Variants in CAMTA1 observed in about 807,000 individuals in gnomAD.
The protein encoded by CAMTA1 is calmodulin binding transcription activator 1.
Under a neutral mutation model 170.9 loss-of-function variants are expected in CAMTA1, and 27 were observed. That is an observed-to-expected ratio of 0.16 (90% CI 0.12 to 0.22). CAMTA1 has a LOEUF of 0.22. Among genes scored for constraint, CAMTA1 ranks in the 10% least tolerant of loss-of-function variants. The probability of loss-of-function intolerance (pLI) is 1.00; values close to 1 mark genes in which losing one functional copy is unlikely to be tolerated. For missense variants in CAMTA1, 1,619 were observed against 2,217.2 expected (o/e 0.73, Z 5.42); for synonymous variants, 833 against 891.5 (o/e 0.93, Z 1.17).
intron 8 of CAMTA1, 29 bp from the exon 9 acceptor site, chr1:7,663,324 G>C: frequency 6.6e-7 from 1 of 1,515,650 alleles, no homozygotes; most frequent in Non-Finnish European, 8.8e-7. Context: ...CTGCGTGTGC[G>C]TGCGCGTGTT....
chr1:6,952,469 T>G (rs1435381916), intron 3 of CAMTA1, among the ~76,000 whole-genome samples: 3 of 143,116 alleles, frequency 2.1e-5, no homozygotes, highest in Non-Finnish European at 3.0e-5. Flanking sequence ...GATAACATAG[T>G]GAAGAGTTTT....
At chr1:7,133,165 A>G (rs1034273312) in intron 4 of CAMTA1, among the ~76,000 whole-genome samples, 13 of 152,156 alleles carry the variant, frequency 8.5e-5, no homozygotes, top group African/African-American at 3.1e-4. Context: ...TGAATTGGTT[A>G]TATATAATTG....
At chr1:7,414,502 G>A (rs1421044041) in intron 5 of CAMTA1, among the ~76,000 whole-genome samples, 4 of 152,092 alleles carry the variant, frequency 2.6e-5, no homozygotes, top group Non-Finnish European at 4.4e-5. Flanking sequence ...TGTATGCGTC[G>A]AGGAATTTAT....
chr1:7,290,997 G>A (rs538854231), intron 5 of CAMTA1, among the ~76,000 whole-genome samples: 13 of 152,276 alleles, frequency 8.5e-5, no homozygotes, highest in African/African-American at 2.9e-4. Flanking sequence ...GTTTCCCCCT[G>A]CAGAGTGCAG....
At chr1:7,118,290 CTT>C (rs58318758) in intron 4 of CAMTA1, among the ~76,000 whole-genome samples, 135 of 112,476 alleles carry the variant, frequency 1.2e-3, no homozygotes, top group African/African-American at 4.4e-3. Flanking sequence ...TCTTGGCATC[CTT>C]TTTTTTTTTT....
intron 16 of CAMTA1, among the ~76,000 whole-genome samples, chr1:7,740,310 C>T (rs987511710): frequency 2.0e-4 from 30 of 152,202 alleles, no homozygotes; most frequent in African/African-American, 7.0e-4. Flanking sequence ...GCAGCCTTAG[C>T]ATTAAACGGA....
intron 6 of CAMTA1, among the ~76,000 whole-genome samples, chr1:7,618,367 C>T (rs543455948): frequency 1.3e-5 from 2 of 152,318 alleles, no homozygotes; most frequent in African/African-American, 4.8e-5. Context: ...TTTCTAGGAT[C>T]GGGAGGCCCT....
chr1:7,000,751 C>T (rs1572347852), intron 3 of CAMTA1, among the ~76,000 whole-genome samples: 1 of 152,206 alleles, frequency 6.6e-6, no homozygotes, highest in African/African-American at 2.4e-5. Context: ...AATTCCTGCT[C>T]ATCTTTTTGT....
chr1:6,786,324 C>T (rs1475459247), intron 1 of CAMTA1, among the ~76,000 whole-genome samples: 1 of 152,062 alleles, frequency 6.6e-6, no homozygotes, highest in African/African-American at 2.4e-5. Context: ...CCTACTCTTG[C>T]CCTTGCACCC....
At chr1:6,902,039 TCACACACACACA>T (rs536174579) in intron 3 of CAMTA1, among the ~76,000 whole-genome samples, 2 of 114,344 alleles carry the variant, frequency 1.7e-5, no homozygotes, top group African/African-American at 3.5e-5. Flanking sequence ...GGTGAGACTG[TCACACACACACA>T]CACACACACA....
chr1:7,103,560 TACACACAAC>T (rs1239319704), intron 4 of CAMTA1, among the ~76,000 whole-genome samples: 11 of 26,064 alleles, frequency 4.2e-4, no homozygotes, highest in African/African-American at 2.4e-3. Context: ...ACTACACACA[TACACACAAC>T]ACAACTACAC....
chr1:7,673,395 C>A lies in CAMTA1; in HGVS notation c.2779+2358C>A. Among the ~76,000 whole-genome samples the A allele has an allele frequency of 6.6e-6, 1 of 152,212 alleles. No individual in the cohort carries two copies. The highest frequency in any genetic ancestry group is 1.5e-5 in the Non-Finnish European group (1 of 68,036). On this transcript the variant is annotated intron_variant, in intron 10 of 22. Coordinates refer to ENST00000303635, the MANE Select transcript of CAMTA1 (RefSeq NM_015215.4). This position sits in a 1 kb window ranked among gnomAD's most constrained non-coding sequence, Gnocchi z 4.6. ...GAGTGAGAGGAGGTGTGTGAAGCACCTGGCCCAGTGCTCCATTCCTGAAGG... is the reference window on the plus strand; with the variant it reads ...GAGTGAGAGGAGGTGTGTGAAGCACATGGCCCAGTGCTCCATTCCTGAAGG...
chr1:7,521,164 T>C (rs2094360208), intron 6 of CAMTA1, among the ~76,000 whole-genome samples: 2 of 152,204 alleles, frequency 1.3e-5, no homozygotes, highest in Non-Finnish European at 2.9e-5. Context: ...CACTTTAAAA[T>C]GTCCTCTCTT....
intron 3 of CAMTA1, among the ~76,000 whole-genome samples, chr1:6,883,272 A>T (rs552524670): frequency 5.7e-4 from 87 of 152,270 alleles, no homozygotes; most frequent in African/African-American, 2.1e-3. Context: ...GACGGGTTTC[A>T]CTGTGGGCTT....
At chr1:7,751,150 C>G (rs749935373) in intron 19 of CAMTA1, 49 bp from the exon 20 acceptor site, 1 of 1,432,382 alleles carries the variant, frequency 7.0e-7, no homozygotes, top group South Asian at 1.3e-5. Flanking sequence ...ACGCTGAGCC[C>G]GTGCAGCCCC....
chr1:7,457,831 G>A (rs986428744), intron 5 of CAMTA1, among the ~76,000 whole-genome samples: 3 of 152,140 alleles, frequency 2.0e-5, no homozygotes, highest in Non-Finnish European at 4.4e-5. Flanking sequence ...GAGCTCTGGG[G>A]TCTCCAGGGT....
intron 3 of CAMTA1, among the ~76,000 whole-genome samples, chr1:6,897,078 C>A (rs1041914924): frequency 2.0e-5 from 3 of 152,144 alleles, no homozygotes; most frequent in Admixed American, 6.5e-5. Context: ...TTTAAGAGAA[C>A]CTCTCCCTTC....
intron 16 of CAMTA1, among the ~76,000 whole-genome samples, chr1:7,743,336 T>G (rs2096832005): frequency 1.3e-5 from 2 of 152,070 alleles, no homozygotes; most frequent in South Asian, 4.2e-4. Context: ...TTTATTGAGG[T>G]ATAATTTACG....
intron 3 of CAMTA1, among the ~76,000 whole-genome samples, chr1:6,964,344 C>G (rs1171555197): frequency 7.0e-6 from 1 of 143,766 alleles, no homozygotes; most frequent in Non-Finnish European, 1.6e-5. Flanking sequence ...GTCCTGGGTA[C>G]CTGGGGAGGG....
Sources: gnomAD v4.1 joint callset for allele counts (sites outside exome capture counted in the v4.1 genomes callset) on GRCh38, gnomAD v4.1.1 for gene constraint, Gnocchi (gnomAD v3.1) non-coding constraint, MANE v1.5 for transcripts, NCBI Gene and HGNC (gene_info 2026-07-23, HGNC 2026-07-21) for gene names.